CUX1: variants seen among roughly 807,000 people sequenced by gnomAD.
CUX1 encodes protein CASP.
A neutral mutation model predicts 158.8 loss-of-function variants in CUX1; 31 were observed. That is an observed-to-expected ratio of 0.20 (90% CI 0.15 to 0.26). CUX1 has a LOEUF of 0.26. Ranked by LOEUF, CUX1 falls within the 10% of genes least tolerant of loss-of-function variation. The pLI is 1.00. For synonymous variants in CUX1, 879 were observed against 862.1 expected (o/e 1.02, Z -0.34); for missense variants, 1,589 against 2,014.6 (o/e 0.79, Z 4.04).
chr7:102,154,459 AC>A (rs1836028429), intron 8 of CUX1: 1 of 151,554 alleles, frequency 6.6e-6, no homozygotes, highest in Non-Finnish European at 1.5e-5. Context: ...AAAAAAAAAA[AC>A]AAATAGAAAA....
intron 3 of CUX1, among the ~76,000 whole-genome samples, chr7:102,065,574 C>A (rs1825453009): frequency 6.6e-6 from 1 of 152,172 alleles, no homozygotes; most frequent in Admixed American, 6.5e-5. Flanking sequence ...TTTTAAGAAA[C>A]CTCATGGTCC....
intron 2 of CUX1, among the ~76,000 whole-genome samples, chr7:102,014,368 G>C (rs1818360923): frequency 6.6e-6 from 1 of 152,176 alleles, no homozygotes. Context: ...CACATCCTGA[G>C]AATTGCAAAG....
chr7:101,866,793 G>A (rs1455729547), intron 1 of CUX1, among the ~76,000 whole-genome samples: 1 of 152,192 alleles, frequency 6.6e-6, no homozygotes, highest in East Asian at 1.9e-4. Context: ...GGCACAAAAC[G>A]TTGAGTTAAA....
intron 1 of CUX1, among the ~76,000 whole-genome samples, chr7:101,912,288 G>C (rs1430170985): frequency 7.1e-6 from 1 of 140,292 alleles, no homozygotes; most frequent in East Asian, 2.1e-4. Context: ...CTGGCCAGTG[G>C]GCAGCATATT....
chr7:102,020,733 A>G (rs969865421), intron 2 of CUX1, among the ~76,000 whole-genome samples: 12 of 152,222 alleles, frequency 7.9e-5, no homozygotes, highest in African/African-American at 2.9e-4. Context: ...TACAAAAATT[A>G]GCTGGGCATG....
intron 2 of CUX1, among the ~76,000 whole-genome samples, chr7:102,022,009 C>T (rs568148013): frequency 1.8e-3 from 272 of 152,272 alleles, no homozygotes; most frequent in Non-Finnish European, 3.0e-3. Flanking sequence ...AGCAGCTCAG[C>T]GTGTCACCAG....
intron 8 of CUX1, among the ~76,000 whole-genome samples, chr7:102,124,983 T>C (rs1056408439): frequency 6.6e-6 from 1 of 152,112 alleles, no homozygotes; most frequent in African/African-American, 2.4e-5. Flanking sequence ...GGTTTCGCCA[T>C]GTTGGCCAGG....
chr7:102,032,499 A>G (rs1820910074), intron 3 of CUX1, among the ~76,000 whole-genome samples: 3 of 151,836 alleles, frequency 2.0e-5, no homozygotes, highest in Admixed American at 6.6e-5. Context: ...AACCCCGTCT[A>G]ATAGACTAAA....
At chr7:102,210,548 G>A (rs1796411837) in intron 20 of CUX1, among the ~76,000 whole-genome samples, 2 of 152,200 alleles carry the variant, frequency 1.3e-5, no homozygotes, top group African/African-American at 4.8e-5. Context: ...GCGTTTCATT[G>A]CTGTGGCTAA....
chr7:101,842,805 TGTCTGTATAGAC>T (rs1280299309), intron 1 of CUX1, among the ~76,000 whole-genome samples: 2 of 151,674 alleles, frequency 1.3e-5, no homozygotes, highest in East Asian at 3.9e-4. Context: ...TTTTTTTTGA[TGTCTGTATAGAC>T]TCTTATTATG....
At chr7:101,941,386 T>C (rs777850140) in intron 2 of CUX1, among the ~76,000 whole-genome samples, 3 of 152,262 alleles carry the variant, frequency 2.0e-5, no homozygotes, top group Non-Finnish European at 4.4e-5. Flanking sequence ...GCGGGTCTGC[T>C]TAGCGGTAGC....
At chr7:102,170,953 A>G (rs574028918) in intron 10 of CUX1, among the ~76,000 whole-genome samples, 1 of 135,870 alleles carries the variant, frequency 7.4e-6, no homozygotes, top group East Asian at 2.6e-4. Context: ...GATGAGGAAC[A>G]GTTCAGGATG....
At chr7:102,028,737 G>T (rs908542159) in intron 3 of CUX1, among the ~76,000 whole-genome samples, 1 of 152,244 alleles carries the variant, frequency 6.6e-6, no homozygotes. Flanking sequence ...CTGGCTACCT[G>T]TTAGCGGGAA....
chr7:101,991,758 CAAAAAAAA>C (rs34948858), intron 2 of CUX1, among the ~76,000 whole-genome samples: 1 of 115,932 alleles, frequency 8.6e-6, no homozygotes, highest in Admixed American at 8.7e-5. Flanking sequence ...GACTTCATCT[CAAAAAAAA>C]AAAAAAAAAA....
intron 2 of CUX1, among the ~76,000 whole-genome samples, chr7:101,975,490 G>A (rs905577955): frequency 1.5e-4 from 23 of 151,960 alleles, no homozygotes; most frequent in East Asian, 1.4e-3. Context: ...CCAGGAGTTC[G>A]AGGCTGCAGT....
At chr7:102,199,009 G>C (rs1374942735) in intron 16 of CUX1, 142 bp downstream of exon 16, 2 of 751,192 alleles carry the variant, frequency 2.7e-6, no homozygotes, top group East Asian at 2.7e-5. Context: ...ATAAAACAAG[G>C]CACGGGTTCA....
intron 2 of CUX1, among the ~76,000 whole-genome samples, chr7:101,988,427 G>T (rs991079404): frequency 4.6e-5 from 7 of 152,086 alleles, no homozygotes; most frequent in African/African-American, 1.7e-4. Context: ...CACTTCATGG[G>T]CTGTGGGCCT....
chr7:101,962,877 C>T (rs1810688258), intron 2 of CUX1, among the ~76,000 whole-genome samples: 1 of 152,012 alleles, frequency 6.6e-6, no homozygotes, highest in Admixed American at 6.6e-5. Flanking sequence ...TGCACCACTG[C>T]ACCAGGCCAA....
At chr7:102,075,579 A>G (rs1826618557) in intron 4 of CUX1, among the ~76,000 whole-genome samples, 1 of 152,250 alleles carries the variant, frequency 6.6e-6, no homozygotes, top group Non-Finnish European at 1.5e-5. Flanking sequence ...ATGAATGCAG[A>G]AATTAATGAA....
Sources: gnomAD v4.1 joint callset for allele counts (sites outside exome capture counted in the v4.1 genomes callset) on GRCh38, gnomAD v4.1.1 for gene constraint, MANE v1.5 for transcripts, NCBI Gene and HGNC (gene_info 2026-07-23, HGNC 2026-07-21) for gene names.